The following STXBP5 variants were observed in gnomAD, a reference collection of about 807,000 sequenced individuals.
STXBP5 encodes syntaxin-binding protein 5.
In STXBP5, 50 loss-of-function variants were observed where a neutral mutation model predicts 152.4. The observed-to-expected ratio is 0.33, with a 90% CI of 0.26 to 0.42. STXBP5 has a LOEUF of 0.42. Among genes scored for constraint, STXBP5 ranks in the 10% least tolerant of loss-of-function variants. STXBP5 has a pLI of 1.00. For synonymous variants in STXBP5, 492 were observed against 494.7 expected, an observed-to-expected ratio of 0.99 and a Z score of 0.07; for missense variants, 1,167 against 1,388.6, an observed-to-expected ratio of 0.84 and a Z score of 2.54.
At chr6:147,269,672 A>G (rs1780061378) in intron 7 of STXBP5, among the ~76,000 whole-genome samples, 1 of 152,158 alleles carries the variant, frequency 6.6e-6, no homozygotes, top group South Asian at 2.1e-4. Flanking sequence ...GAAGGCAAAA[A>G]TCACACAAGT....
chr6:147,248,508 C>T (rs1582839159), intron 4 of STXBP5, among the ~76,000 whole-genome samples: 1 of 152,166 alleles, frequency 6.6e-6, no homozygotes, highest in East Asian at 1.9e-4. Context: ...AAAACAACAA[C>T]TACTCATCAG....
intron 9 of STXBP5, among the ~76,000 whole-genome samples, chr6:147,298,735 G>A (rs1781657637): frequency 6.6e-6 from 1 of 152,034 alleles, no homozygotes; most frequent in Non-Finnish European, 1.5e-5. Flanking sequence ...AATAGCCAAT[G>A]AGTCAATAAA....
At chr6:147,239,306 T>G (rs751075065) in intron 4 of STXBP5, 36 bp downstream of exon 4, 44 of 1,536,612 alleles carry the variant, frequency 2.9e-5, no homozygotes, top group Non-Finnish European at 3.9e-5. Context: ...GTATAGGATA[T>G]TTACTATTAT....
At chr6:147,298,240 A>T (rs185578798) in intron 9 of STXBP5, among the ~76,000 whole-genome samples, 46 of 152,144 alleles carry the variant, frequency 3.0e-4, no homozygotes, top group Admixed American at 2.7e-3. Flanking sequence ...ACTGTAAAAA[A>T]TGACCAAAAA....
At chr6:147,330,824 A>G (rs1251238478) in intron 18 of STXBP5, among the ~76,000 whole-genome samples, 1 of 152,190 alleles carries the variant, frequency 6.6e-6, no homozygotes, top group Non-Finnish European at 1.5e-5. Flanking sequence ...GATTGCTTAA[A>G]TCAAGAGTCA....
chr6:147,324,867 A>G (rs1307441660), intron 16 of STXBP5, 92 bp from the exon 17 acceptor site: 28 of 1,117,130 alleles, frequency 2.5e-5, no homozygotes, highest in South Asian at 1.3e-4. Context: ...ATATTTAAGT[A>G]TCTAGTATCG....
At chr6:147,261,515 C>T (rs1309092613) in intron 5 of STXBP5, among the ~76,000 whole-genome samples, 1 of 151,958 alleles carries the variant, frequency 6.6e-6, no homozygotes, top group Non-Finnish European at 1.5e-5. Flanking sequence ...ATGGTATTTA[C>T]CTCTTTTTGA....
In STXBP5 at chr6:147,315,747, T is replaced by C. The variant is rs200397833; in HGVS notation, c.1623+12T>C. ...CAGAAGTCATTCCGGTAATAACGTC[T>C]TAGTTATTTTCATGGTCAAGTTATT... is the stretch of plus-strand genomic sequence containing the variant. On this transcript the variant is annotated intron_variant, in intron 15 of 27. Transcript: ENST00000321680. 8.5e-5 allele frequency: 135 copies of C among 1,592,834 alleles called. No individual in the cohort carries two copies. The African/African-American group carries it at 1.5e-3, about 17-fold the overall frequency.
chr6:147,234,700 C>T (rs973437415), intron 2 of STXBP5, among the ~76,000 whole-genome samples: 8 of 151,884 alleles, frequency 5.3e-5, no homozygotes, highest in East Asian at 1.9e-4. Context: ...AAGATTGACA[C>T]GTTCATTTGG....
chr6:147,318,142 A>G (rs1183644495), intron 16 of STXBP5, among the ~76,000 whole-genome samples: 1 of 152,210 alleles, frequency 6.6e-6, no homozygotes, highest in East Asian at 1.9e-4. Context: ...ATAAAACATT[A>G]AATTCTTTTC....
chr6:147,268,255 G>C lies in STXBP5; in HGVS notation c.714+1088G>C, dbSNP rs568278669. Among the ~76,000 whole-genome samples, 3 of 152,084 alleles carry C rather than the reference G, an allele frequency of 2.0e-5. No individual in the cohort carries two copies. The East Asian group carries it at 5.8e-4, about 29-fold the overall frequency. The stretch of plus-strand genomic sequence containing the variant: ...ATTTCTGAATCAAATTTAGAATAAG[G>C]TATTTTTCTATGGAACTATGACTTC... On this transcript the variant is annotated intron_variant, in intron 7 of 27. Coordinates refer to ENST00000321680, the MANE Select transcript of STXBP5 (RefSeq NM_001127715.4).
At position 147,204,610 on chromosome 6, in the gene STXBP5, G is replaced by A. The variant is rs1183156070; in HGVS notation, c.78G>A (p.Gln26=). 1.2e-6 allele frequency: 2 copies of A among 1,610,966 alleles called. No individual in the cohort carries two copies. Among genetic ancestry groups the A allele is most frequent in the South Asian group, 2.2e-5 (2 of 90,978 alleles). The change falls in exon 1 of 28, where the codon CAG becomes CAA. Residue 26 remains glutamine (Q), a synonymous_variant. Transcript: ENST00000321680. This position sits in a 1 kb window ranked among gnomAD's most constrained non-coding sequence, Gnocchi z 4.3. ...GSSSASQQQQ[Q]QHPPGNREPE... The stretch of plus-strand genomic sequence containing the variant: ...CCTCGGCGTCGCAGCAGCAACAGCA[G>A]CAGCATCCGCCTGGGAACCGGGAGC...
intron 4 of STXBP5, among the ~76,000 whole-genome samples, chr6:147,254,414 A>G (rs1411110356): frequency 6.6e-6 from 1 of 152,224 alleles, no homozygotes; most frequent in Non-Finnish European, 1.5e-5. Flanking sequence ...CACCAAAAGC[A>G]ATGGCAACAA....
At chr6:147,237,287 T>C (rs938362046) in intron 3 of STXBP5, among the ~76,000 whole-genome samples, 1 of 152,114 alleles carries the variant, frequency 6.6e-6, no homozygotes, top group Non-Finnish European at 1.5e-5. Context: ...TGTTAAATTA[T>C]AAATACATTA....
intron 16 of STXBP5, 50 bp from the exon 17 acceptor site, chr6:147,324,909 G>A: frequency 3.6e-6 from 5 of 1,395,350 alleles, no homozygotes; most frequent in Non-Finnish European, 4.7e-6. Flanking sequence ...TAATCATATA[G>A]GCCAATAGTT....
chr6:147,361,560 G>A (rs2128412826), intron 23 of STXBP5, among the ~76,000 whole-genome samples: 1 of 152,246 alleles, frequency 6.6e-6, no homozygotes, highest in Non-Finnish European at 1.5e-5. Flanking sequence ...GTGCTTCAGA[G>A]CCTAAAGTGG....
At chr6:147,339,064 CATG>C (rs1783970467) in intron 19 of STXBP5, 112 bp from the exon 20 acceptor site, 3 of 845,228 alleles carry the variant, frequency 3.5e-6, no homozygotes, top group Non-Finnish European at 5.5e-6. Flanking sequence ...TGGTCACTAA[CATG>C]ATAACTTGTT....
At chr6:147,360,181 A>G (rs953516599) in intron 23 of STXBP5, among the ~76,000 whole-genome samples, 1 of 152,090 alleles carries the variant, frequency 6.6e-6, no homozygotes, top group Non-Finnish European at 1.5e-5. Context: ...AAATAGGAAC[A>G]CTTTTACACT....
chr6:147,376,275 A>G (rs1247988178), intron 26 of STXBP5, among the ~76,000 whole-genome samples: 2 of 152,204 alleles, frequency 1.3e-5, no homozygotes, highest in Non-Finnish European at 1.5e-5. Context: ...ATTCATTGGC[A>G]TTGATAAGGA....
Sources: allele counts gnomAD v4.1 joint callset (sites outside exome capture counted in the v4.1 genomes callset), GRCh38; gene constraint gnomAD v4.1.1; non-coding constraint Gnocchi (gnomAD v3.1); transcripts MANE v1.5; gene names NCBI Gene and HGNC (gene_info 2026-07-23, HGNC 2026-07-21).